The following ZNF160 variants were observed in gnomAD, a reference collection of about 807,000 sequenced individuals.
ZNF160 encodes the protein KRAB zinc finger protein KR18.
ZNF160 carries 9 observed loss-of-function variants against 13.1 expected under a neutral mutation model. That is an observed-to-expected ratio of 0.69 (90% confidence interval 0.41 to 1.20). The LOEUF is 1.20. ZNF160 is among the 50% of genes most tolerant of loss of function. The probability of loss-of-function intolerance (pLI) is 0.01; values close to 1 mark genes in which losing one functional copy is unlikely to be tolerated. For synonymous variants in ZNF160, 293 were observed against 333.2 expected (o/e 0.88, Z 1.31); for missense variants, 838 against 988.0 (o/e 0.85, Z 2.04).
At chr19:53,074,068 G>A in intron 5 of ZNF160, 72 bp downstream of exon 5, 3 of 1,484,948 alleles carry the variant, frequency 2.0e-6, no homozygotes, top group East Asian at 2.3e-5. Flanking sequence ...GAGATTACAG[G>A]CGTGAGCTAC....
chr19:53,099,553 T>A (rs1455082761), intron 1 of ZNF160, among the ~76,000 whole-genome samples: 1 of 152,162 alleles, frequency 6.6e-6, no homozygotes, highest in Non-Finnish European at 1.5e-5. Flanking sequence ...TAGCCATAAC[T>A]CTAATGCAGA....
intron 3 of ZNF160, 84 bp from the exon 4 acceptor site, chr19:53,075,267 G>A: frequency 6.5e-7 from 1 of 1,547,718 alleles, no homozygotes; most frequent in Non-Finnish European, 8.8e-7. Flanking sequence ...AAAAATGTGA[G>A]AATAGGTTAA....
chr19:53,085,557 A>G (rs1207911229), intron 3 of ZNF160: 1 of 153,826 alleles, frequency 6.5e-6, no homozygotes, highest in African/African-American at 2.4e-5. Context: ...CTCTAATGGC[A>G]AGGTTGTTCT....
At chr19:53,089,081 C>G (rs186386263) in intron 2 of ZNF160, among the ~76,000 whole-genome samples, 229 of 152,222 alleles carry the variant, frequency 1.5e-3, no homozygotes, top group Admixed American at 2.6e-3. Context: ...GGTGAATGAC[C>G]GTGGCAAATT....
At position 53,070,050 on chromosome 19, in the gene ZNF160, C is replaced by T. The variant is rs749904741; in HGVS notation, c.484G>A (p.Gly162Ser). Residue 162 changes from glycine to serine, a missense_variant, in exon 6 of 6, where the codon GGT (glycine) becomes AGT (serine). Gly to Ser is a moderately conservative substitution (Grantham distance 56). Coordinates refer to ENST00000683776, the MANE Select transcript of ZNF160 (RefSeq NM_001322131.2). Reference sequence around the variant, plus strand: ...CTTCTGTCGCGTTGATCTCTTTTACCTTCTTTCTGGGCCATAAGCACTCCC... The same window carrying T: ...CTTCTGTCGCGTTGATCTCTTTTACTTTCTTTCTGGGCCATAAGCACTCCC... ...YKGVLMAQKE[G>S]KRDQRDRRDI... The T allele has an allele frequency of 1.9e-6, 3 of 1,614,004 alleles. No individual in the cohort carries two copies. The highest frequency in any genetic ancestry group is 1.3e-5 in the African/African-American group (1 of 75,012).
intron 3 of ZNF160, among the ~76,000 whole-genome samples, chr19:53,079,660 CAA>C (rs33935376): frequency 1.2e-4 from 15 of 124,484 alleles, no homozygotes; most frequent in Non-Finnish European, 1.5e-4. Context: ...ACAATAGCAG[CAA>C]AAAAAAAAAA....
In ZNF160 at chr19:53,069,660, T is replaced by G. The variant is rs746944008; in HGVS notation, c.874A>C (p.Lys292Gln). Reference protein sequence around the residue: ...EKPYKCSECGKTFTVRSNLTI... With the variant: ...EKPYKCSECGQTFTVRSNLTI... ...AGATTTGAACGAACAGTAAAGGTTT[T>G]GCCGCACTCACTGCATTTGTAAGGC... Residue 292 changes from lysine to glutamine, a missense_variant, in exon 6 of 6, where the codon AAA becomes CAA. Physicochemically the swap from Lys to Gln is moderately conservative, Grantham distance 53. Around this residue, in one of 3 missense-constraint regions of ZNF160, gnomAD observed 387 missense variants for 402.3 expected, o/e 0.96. Transcript: ENST00000683776. This position sits in a 1 kb window ranked among gnomAD's most constrained non-coding sequence, Gnocchi z 4.4. 3.7e-6 allele frequency: 6 copies of G among 1,613,952 alleles called. No homozygotes were observed. In the East Asian group the frequency reaches 1.3e-4, roughly 36 times the overall value.
intron 5 of ZNF160, among the ~76,000 whole-genome samples, chr19:53,072,120 T>A (rs2061435096): frequency 6.6e-6 from 1 of 151,478 alleles, no homozygotes; most frequent in Non-Finnish European, 1.5e-5. Context: ...TTTTTTTTTT[T>A]AGACAGAGTC....
intron 1 of ZNF160, among the ~76,000 whole-genome samples, chr19:53,094,020 A>G (rs1303476665): frequency 1.3e-5 from 2 of 152,204 alleles, no homozygotes; most frequent in Non-Finnish European, 2.9e-5. Context: ...ACATGCTCCA[A>G]TGAGACCCCG....
chr19:53,087,821 G>A (rs988696077), intron 2 of ZNF160, among the ~76,000 whole-genome samples: 9 of 152,178 alleles, frequency 5.9e-5, no homozygotes, highest in African/African-American at 1.9e-4. Flanking sequence ...CAAAGTGCTG[G>A]GATTATAGGC....
At chr19:53,095,646 G>C (rs1024713811) in intron 1 of ZNF160, 1 of 152,128 alleles carries the variant, frequency 6.6e-6, no homozygotes, top group Non-Finnish European at 1.5e-5. Flanking sequence ...TGACTCCAGA[G>C]TGTCTAGTCT....
chr19:53,067,894 G>T lies in ZNF160; in HGVS notation c.*183C>A. 1.4e-6 allele frequency: 1 copy of T among 717,458 alleles called. No homozygotes were observed. Among genetic ancestry groups the T allele is most frequent in the Non-Finnish European group, 2.1e-6 (1 of 472,160 alleles). 44.4% of individuals were successfully genotyped at this position (717,458 alleles called of 1,614,324 possible). A position where few individuals can be genotyped will look rare whatever the true frequency, so the allele number is the denominator to read the frequency against. The stretch of plus-strand genomic sequence containing the variant: ...TAAATCTTGATGCCTAGTAACCTGC[G>T]AGGCCTGGATAGACCCTCTGCCACA... On this transcript the variant is annotated 3_prime_UTR_variant, in exon 6 of 6. Transcript: ENST00000683776.
intron 3 of ZNF160, among the ~76,000 whole-genome samples, chr19:53,081,661 T>C (rs1038884435): frequency 6.6e-6 from 1 of 152,132 alleles, no homozygotes; most frequent in Non-Finnish European, 1.5e-5. Context: ...TTTACACTCA[T>C]ACACTTATGG....
chr19:53,094,183 T>C (rs1285958229), intron 1 of ZNF160, among the ~76,000 whole-genome samples: 1 of 152,172 alleles, frequency 6.6e-6, no homozygotes, highest in Non-Finnish European at 1.5e-5. Flanking sequence ...TTAAAAAGTA[T>C]TCTTTATGTT....
chr19:53,094,485 C>T (rs990207783), intron 1 of ZNF160, among the ~76,000 whole-genome samples: 7 of 152,166 alleles, frequency 4.6e-5, no homozygotes, highest in African/African-American at 1.7e-4. Context: ...CAGGGACCAT[C>T]CGCTGATGCC....
intron 3 of ZNF160, among the ~76,000 whole-genome samples, chr19:53,078,708 A>T (rs75593660): frequency 6.6e-6 from 1 of 152,090 alleles, no homozygotes; most frequent in African/African-American, 2.4e-5. Flanking sequence ...AGTAAGAAGA[A>T]GGAGTATAAG....
At chr19:53,089,904 A>G (rs1043170524) in intron 2 of ZNF160, among the ~76,000 whole-genome samples, 6 of 146,404 alleles carry the variant, frequency 4.1e-5, no homozygotes. Context: ...TCTTCCCTCC[A>G]TTCCTTCTCT....
intron 5 of ZNF160, chr19:53,072,962 C>G (rs922825896): frequency 2.2e-5 from 15 of 696,392 alleles, no homozygotes; most frequent in Non-Finnish European, 2.5e-5. Context: ...TAAAAAAATT[C>G]TATATTGACA....
chr19:53,078,934 CA>C (rs1044996622), intron 3 of ZNF160, among the ~76,000 whole-genome samples: 13 of 151,942 alleles, frequency 8.6e-5, no homozygotes, highest in Non-Finnish European at 1.9e-4. Flanking sequence ...GAGGAAACAA[CA>C]AAAAACAATT....
Sources: allele counts gnomAD v4.1 joint callset (sites outside exome capture counted in the v4.1 genomes callset), GRCh38; gene constraint gnomAD v4.1.1; regional missense constraint gnomAD v4.1.1; non-coding constraint Gnocchi (gnomAD v3.1); transcripts MANE v1.5; gene names NCBI Gene and HGNC (gene_info 2026-07-23, HGNC 2026-07-21).